The following GRK4 variants were observed in gnomAD, a reference collection of about 807,000 sequenced individuals.
The protein encoded by GRK4 is G protein-coupled receptor kinase 4.
In GRK4, 73 loss-of-function variants were observed where a neutral mutation model predicts 77.9. The ratio of observed to expected loss-of-function variants is 0.94; its 90% CI spans 0.78 to 1.14. GRK4 has a LOEUF of 1.14. Among genes scored for constraint, GRK4 ranks in the 50% most tolerant of loss-of-function variants. GRK4 has a pLI of 0.00. For missense variants in GRK4, 729 were observed against 700.2 expected (o/e 1.04, Z -0.46); for synonymous variants, 257 against 254.4 (o/e 1.01, Z -0.10).
Position 2,992,269 on chromosome 4 carries a change from TTAGA to T in GRK4, c.322_325del (p.Arg108SerfsTer18), listed in dbSNP as rs769579107. On this transcript the variant is annotated frameshift_variant, in exon 4 of 16. Transcript: ENST00000398052. LOFTEE classifies it high-confidence loss of function. The stretch of plus-strand genomic sequence containing the variant: ...CCGAAGTGATTGTGGACTGTCAATC[TTAGA>T]TAGATTCTTCAATGATAAGGTGTGT... 5.0e-6 allele frequency: 8 copies of T among 1,606,290 alleles called. No individual in the cohort carries two copies. The highest frequency in any genetic ancestry group is 3.3e-5 in the Admixed American group (2 of 59,980).
intron 13 of GRK4, 130 bp from the exon 14 acceptor site, chr4:3,037,244 G>A: frequency 1.1e-6 from 1 of 908,242 alleles, no homozygotes; most frequent in Non-Finnish European, 1.6e-6. Context: ...GAGGGGCCTG[G>A]CAAAAGAATG....
In GRK4 at chr4:3,005,585, T is replaced by C. The variant is rs566686091; in HGVS notation, c.443+1251T>C. On this transcript the variant is annotated intron_variant, in intron 5 of 15. Coordinates refer to ENST00000398052, the MANE Select transcript of GRK4 (RefSeq NM_182982.3). ...TGGGAGGCCGAGGCGGGCAGATCGC[T>C]TGAGGCCAGGAGTTCAAGACCAGCC... Among the ~76,000 whole-genome samples, 12 of 151,800 alleles carry C rather than the reference T, an allele frequency of 7.9e-5. No individual in the cohort carries two copies. In the East Asian group the frequency reaches 1.4e-3, roughly 17 times the overall value.
intron 3 of GRK4, among the ~76,000 whole-genome samples, chr4:2,989,761 A>C (rs1725565560): frequency 6.6e-6 from 1 of 152,234 alleles, no homozygotes; most frequent in African/African-American, 2.4e-5. Context: ...TATGCTCAAG[A>C]AAGTTTCCAA....
intron 4 of GRK4, among the ~76,000 whole-genome samples, chr4:2,993,455 C>T (rs1726874505): frequency 6.6e-6 from 1 of 152,192 alleles, no homozygotes; most frequent in Non-Finnish European, 1.5e-5. Context: ...GGGTAGATCA[C>T]TTGAGGTCAA....
rs1001495582 is a variant in GRK4, at chr4:3,029,422, C to G, written c.1269+13C>G. The G allele has an allele frequency of 1.2e-6, 2 of 1,603,914 alleles. No homozygotes were observed. Among genetic ancestry groups the G allele is most frequent in the Non-Finnish European group, 1.7e-6 (2 of 1,171,312 alleles). On this transcript the variant is annotated intron_variant, in intron 12 of 15. Coordinates refer to ENST00000398052, the MANE Select transcript of GRK4 (RefSeq NM_182982.3). ...TATCTGCAGGATGGTAAGTCAGGCTCTGTAGAGGCTGGGAAATGGCACTTC... is the reference window on the plus strand; with the variant it reads ...TATCTGCAGGATGGTAAGTCAGGCTGTGTAGAGGCTGGGAAATGGCACTTC...
Position 3,016,185 on chromosome 4 carries a change from A to AG in GRK4, c.741+2359dup, listed in dbSNP as rs755833327. Among the ~76,000 whole-genome samples, 12 of 148,098 alleles carry AG rather than the reference A, an allele frequency of 8.1e-5. No homozygotes were observed. In the East Asian group the frequency reaches 9.0e-4, roughly 11 times the overall value. Reference sequence around the variant, plus strand: ...GGCCTCCCAGAATGCTGGGGATTACAGGTGTGAGCCACCAAGCCTGGCCTC... The same window carrying AG: ...GGCCTCCCAGAATGCTGGGGATTACAGGGTGTGAGCCACCAAGCCTGGCCTC... On this transcript the variant is annotated intron_variant, in intron 8 of 15. Transcript: ENST00000398052.
intron 1 of GRK4, among the ~76,000 whole-genome samples, chr4:2,973,432 C>T (rs1040601457): frequency 1.3e-5 from 2 of 152,198 alleles, no homozygotes; most frequent in African/African-American, 2.4e-5. Context: ...CTCCACTCAA[C>T]TTGCAGCTCA....
chr4:2,979,195 A>C (rs1431207739), intron 1 of GRK4, among the ~76,000 whole-genome samples: 3 of 151,742 alleles, frequency 2.0e-5, no homozygotes, highest in Non-Finnish European at 4.4e-5. Context: ...ATTGCACTCC[A>C]GCCTGGGCAA....
rs141079428 is a variant in GRK4 at position 2,989,638 on chromosome 4, T to C, written c.261+799T>C. On this transcript the variant is annotated intron_variant, in intron 3 of 15. Transcript: ENST00000398052. ...TGCTTGTTCGGCTACCAGAAAAGTG[T>C]CCTTTCTGCACTCAACTGGCCAATG... Among the ~76,000 whole-genome samples the C allele has an allele frequency of 1.0e-3, 153 of 152,298 alleles. 1 individual carries two copies. The highest frequency in any genetic ancestry group is 3.5e-3 in the Admixed American group (53 of 15,300).
At position 3,019,661 on chromosome 4, in the gene GRK4, T is replaced by A. The variant is rs1735527259; in HGVS notation, c.762T>A (p.Tyr254Ter). ...TTTAGGTTAGTTTAGCCTACGCTTA[T>A]GAAACCAAAGATGCCTTGTGCTTGG... ...SRFVVSLAYA[Y>*]ETKDALCLVL... Residue 254 changes from tyrosine (Y) to a stop codon, truncating the protein, a stop_gained, in exon 9 of 16, where the codon TAT becomes TAA. Transcript: ENST00000398052. LOFTEE classifies it high-confidence loss of function. The A allele has an allele frequency of 6.2e-7, 1 of 1,613,526 alleles. No homozygotes were observed. Among genetic ancestry groups the A allele is most frequent in the Non-Finnish European group, 8.5e-7 (1 of 1,179,684 alleles).
At chr4:3,002,642 T>G (rs1049086746) in intron 4 of GRK4, among the ~76,000 whole-genome samples, 26 of 152,020 alleles carry the variant, frequency 1.7e-4, no homozygotes. Flanking sequence ...CGGCGGGACT[T>G]GCAGTGACCC....
chr4:2,978,535 CAG>C (rs1315967291), intron 1 of GRK4, among the ~76,000 whole-genome samples: 1 of 152,192 alleles, frequency 6.6e-6, no homozygotes, highest in African/African-American at 2.4e-5. Context: ...TGCTTGGAAA[CAG>C]AGTTCACTGG....
chr4:2,988,608 T>C, intron 2 of GRK4, 119 bp from the exon 3 acceptor site: 1 of 589,454 alleles, frequency 1.7e-6, no homozygotes, highest in Non-Finnish European at 3.1e-6. Context: ...ATGAAAATAA[T>C]ACGGCAAATA....
chr4:3,035,550 G>A (rs374993715), intron 13 of GRK4, 27 bp downstream of exon 13: 8 of 1,599,512 alleles, frequency 5.0e-6, no homozygotes, highest in Admixed American at 1.8e-5. Context: ...GACGAGCAGG[G>A]CCCTAGGAAC....
chr4:2,970,493 A>C (rs1719165392), intron 1 of GRK4, among the ~76,000 whole-genome samples: 1 of 151,840 alleles, frequency 6.6e-6, no homozygotes, highest in Admixed American at 6.6e-5. Context: ...CCCCGTCTCT[A>C]CTAAAAATAC....
intron 1 of GRK4, among the ~76,000 whole-genome samples, chr4:2,973,761 G>A (rs1720289605): frequency 6.6e-6 from 1 of 152,142 alleles, no homozygotes; most frequent in East Asian, 1.9e-4. Context: ...CCCGTTCTCA[G>A]CACAGCAGCC....
At chr4:3,009,576 G>A (rs751911135) in intron 6 of GRK4, 72 bp from the exon 7 acceptor site, 82 of 1,134,920 alleles carry the variant, frequency 7.2e-5, no homozygotes, top group Middle Eastern at 2.0e-4. Context: ...GAAGACAAGC[G>A]CTGAGTAAAC....
intron 3 of GRK4, among the ~76,000 whole-genome samples, chr4:2,990,926 G>T (rs1373103113): frequency 6.6e-6 from 1 of 152,140 alleles, no homozygotes; most frequent in Non-Finnish European, 1.5e-5. Context: ...GGTGATGACA[G>T]GCTCTGTGAG....
chr4:2,992,154 C>T (rs1726389698), intron 3 of GRK4, 61 bp from the exon 4 acceptor site: 2 of 1,164,340 alleles, frequency 1.7e-6, no homozygotes, highest in Non-Finnish European at 2.6e-6. Flanking sequence ...GCTGGAACTA[C>T]AGGTATGCAC....
Sources: gnomAD v4.1 joint callset for allele counts (sites outside exome capture counted in the v4.1 genomes callset) on GRCh38, gnomAD v4.1.1 for gene constraint, MANE v1.5 for transcripts, NCBI Gene and HGNC (gene_info 2026-07-23, HGNC 2026-07-21) for gene names.